The following SLC39A12 variants were observed in gnomAD, a reference collection of about 807,000 sequenced individuals.
The protein encoded by SLC39A12 is solute carrier family 39 member 12.
SLC39A12 carries 63 observed loss-of-function variants against 71.1 expected under a neutral mutation model. That is an observed-to-expected ratio of 0.89 (90% CI 0.72 to 1.09). The LOEUF is 1.09. Among genes scored for constraint, SLC39A12 ranks in the 50% least tolerant of loss-of-function variants. The probability of loss-of-function intolerance (pLI) is 0.00; values close to 1 mark genes in which losing one functional copy is unlikely to be tolerated. For synonymous variants in SLC39A12, 351 were observed against 301.3 expected (o/e 1.16, Z -1.71); for missense variants, 892 against 812.6 (o/e 1.10, Z -1.19).
At chr10:18,035,743 G>A (rs1234010307) in intron 12 of SLC39A12, among the ~76,000 whole-genome samples, 1 of 152,182 alleles carries the variant, frequency 6.6e-6, no homozygotes, top group Admixed American at 6.5e-5. Context: ...AGAGTTTCCA[G>A]TTTTTCTGTT....
chr10:18,025,018 T>C (rs1836635599), intron 12 of SLC39A12, among the ~76,000 whole-genome samples: 1 of 152,206 alleles, frequency 6.6e-6, no homozygotes, highest in African/African-American at 2.4e-5. Flanking sequence ...TAGTTTGGTC[T>C]CGTTTCTTGA....
chr10:17,990,088 C>A (rs1341841881), intron 7 of SLC39A12, among the ~76,000 whole-genome samples: 2 of 152,116 alleles, frequency 1.3e-5, no homozygotes, highest in Admixed American at 1.3e-4. Context: ...ATTTGTTCAA[C>A]TGAAAGATCT....
At chr10:17,987,694 C>T (rs759741024) in intron 7 of SLC39A12, 43 bp downstream of exon 7, 4 of 1,603,776 alleles carry the variant, frequency 2.5e-6, no homozygotes, top group Admixed American at 1.7e-5. Flanking sequence ...CACTTCATTG[C>T]TCTTCACTTT....
intron 8 of SLC39A12, among the ~76,000 whole-genome samples, chr10:17,992,102 A>C (rs1835567074): frequency 6.6e-6 from 1 of 151,756 alleles, no homozygotes; most frequent in South Asian, 2.1e-4. Context: ...AAAAAAAAAA[A>C]AAAAAAACAA....
intron 6 of SLC39A12, among the ~76,000 whole-genome samples, chr10:17,986,749 G>A (rs1216083260): frequency 6.6e-6 from 1 of 152,198 alleles, no homozygotes; most frequent in African/African-American, 2.4e-5. Context: ...GCTTATGCCT[G>A]TAATCCCATC....
chr10:17,963,868 G>A (rs1219098705), intron 3 of SLC39A12, among the ~76,000 whole-genome samples: 1 of 152,130 alleles, frequency 6.6e-6, no homozygotes, highest in Non-Finnish European at 1.5e-5. Flanking sequence ...GAATCAACTT[G>A]ATACCCTAAT....
At chr10:18,040,992 T>C (rs2497790) in intron 12 of SLC39A12, among the ~76,000 whole-genome samples, 152,097 of 152,098 alleles carry the variant, frequency 1, 76,048 homozygotes, top group Non-Finnish European at 1. Context: ...CTACAACATC[T>C]TCTAATGGAC....
chr10:18,033,278 C>A (rs1836902719), intron 12 of SLC39A12, among the ~76,000 whole-genome samples: 1 of 148,308 alleles, frequency 6.7e-6, no homozygotes, highest in African/African-American at 2.5e-5. Context: ...TCCATCTGGT[C>A]CTGGACTCTT....
At chr10:17,991,865 G>T (rs1465090735) in intron 8 of SLC39A12, among the ~76,000 whole-genome samples, 1 of 152,080 alleles carries the variant, frequency 6.6e-6, no homozygotes, top group African/African-American at 2.4e-5. Flanking sequence ...GAGGCAGGCG[G>T]ATCACCTGAG....
At chr10:18,026,171 A>C (rs981660397) in intron 12 of SLC39A12, among the ~76,000 whole-genome samples, 1 of 152,178 alleles carries the variant, frequency 6.6e-6, no homozygotes, top group Non-Finnish European at 1.5e-5. Flanking sequence ...ATGTAGACCA[A>C]AGTTTTTGAC....
At chr10:18,013,033 T>C (rs902902476) in intron 12 of SLC39A12, among the ~76,000 whole-genome samples, 1 of 152,080 alleles carries the variant, frequency 6.6e-6, no homozygotes, top group East Asian at 1.9e-4. Flanking sequence ...AATGAATCTT[T>C]ACCAGGCAGC....
intron 12 of SLC39A12, among the ~76,000 whole-genome samples, chr10:18,028,902 T>A (rs547936799): frequency 6.6e-6 from 1 of 152,142 alleles, no homozygotes; most frequent in South Asian, 2.1e-4. Context: ...GTGTTTTTAA[T>A]AGAGACGAGG....
intron 4 of SLC39A12, among the ~76,000 whole-genome samples, chr10:17,969,903 T>G (rs1301479908): frequency 3.9e-5 from 6 of 152,220 alleles, no homozygotes; most frequent in Non-Finnish European, 5.9e-5. Flanking sequence ...TCTTGTAGTA[T>G]TTCATAGTCT....
intron 4 of SLC39A12, among the ~76,000 whole-genome samples, chr10:17,970,982 AC>A (rs911812070): frequency 5.6e-4 from 85 of 151,726 alleles, no homozygotes; most frequent in African/African-American, 2.0e-3. Context: ...TTCCTTCTAT[AC>A]CCCATTTTTT....
chr10:18,030,112 G>A (rs2497782), intron 12 of SLC39A12, among the ~76,000 whole-genome samples: 100,792 of 150,906 alleles, frequency 0.67, 34,262 homozygotes, highest in African/African-American at 0.72. Flanking sequence ...GTTTCTCACC[G>A]AATTGATTTA....
At chr10:17,969,368 C>T (rs1372353597) in intron 4 of SLC39A12, among the ~76,000 whole-genome samples, 3 of 152,096 alleles carry the variant, frequency 2.0e-5, no homozygotes, top group Non-Finnish European at 2.9e-5. Flanking sequence ...ACCTCCCGAT[C>T]GTTCTCCATA....
At chr10:18,040,731 T>C (rs1837199843) in intron 12 of SLC39A12, among the ~76,000 whole-genome samples, 1 of 147,842 alleles carries the variant, frequency 6.8e-6, no homozygotes, top group Non-Finnish European at 1.5e-5. Context: ...ATCATGCCAC[T>C]GTACTCCAGC....
intron 12 of SLC39A12, among the ~76,000 whole-genome samples, chr10:18,036,788 A>ATTTTTTTTTTTTTT (rs1319675306): frequency 8.8e-4 from 15 of 17,010 alleles, no homozygotes; most frequent in African/African-American, 1.4e-3. Context: ...ATATATATAT[A>ATTTTTTTTTTTTTT]TATATATTTT....
chr10:18,016,004 A>G (rs984425484), intron 12 of SLC39A12, among the ~76,000 whole-genome samples: 2 of 152,118 alleles, frequency 1.3e-5, no homozygotes, highest in Non-Finnish European at 2.9e-5. Flanking sequence ...CTGCAACACA[A>G]TGATACATCT....
Sources: gnomAD v4.1 joint callset for allele counts (sites outside exome capture counted in the v4.1 genomes callset) on GRCh38, gnomAD v4.1.1 for gene constraint, MANE v1.5 for transcripts, NCBI Gene and HGNC (gene_info 2026-07-23, HGNC 2026-07-21) for gene names.